LURAP1L: variants seen among roughly 807,000 people sequenced by gnomAD.
The protein encoded by LURAP1L is leucine rich adaptor protein 1-like.
A neutral mutation model predicts 13.8 loss-of-function variants in LURAP1L; 12 were observed. That is an observed-to-expected ratio of 0.87 (90% confidence interval 0.56 to 1.41). The LOEUF is 1.41. Ranked by LOEUF, LURAP1L falls within the 40% of genes most tolerant of loss-of-function variation. LURAP1L has a pLI of 0.00. For synonymous variants in LURAP1L, 139 were observed against 119.2 expected (o/e 1.17, Z -1.08); for missense variants, 375 against 292.9 (o/e 1.28, Z -2.04).
chr9:12,802,431 G>A (rs1819599844), intron 1 of LURAP1L, among the ~76,000 whole-genome samples: 1 of 152,050 alleles, frequency 6.6e-6, no homozygotes, highest in African/African-American at 2.4e-5. Context: ...AAAAGTATGT[G>A]ACACATCCCC....
At chr9:12,821,261 A>G in intron 1 of LURAP1L, 125 bp from the exon 2 acceptor site, 1 of 1,129,294 alleles carries the variant, frequency 8.9e-7, no homozygotes, top group Non-Finnish European at 1.3e-6. Context: ...CCTGACAACC[A>G]GTCCACTTAT....
At chr9:12,780,771 G>T (rs942517105) in intron 1 of LURAP1L, among the ~76,000 whole-genome samples, 9 of 151,032 alleles carry the variant, frequency 6.0e-5, no homozygotes, top group Non-Finnish European at 1.2e-4. Context: ...GTTTCTCATT[G>T]TAAAACTTCC....
chr9:12,803,015 T>G (rs891181525), intron 1 of LURAP1L, among the ~76,000 whole-genome samples: 1 of 152,220 alleles, frequency 6.6e-6, no homozygotes, highest in African/African-American at 2.4e-5. Flanking sequence ...GAATCCATAC[T>G]TACTCTCTGC....
intron 1 of LURAP1L, among the ~76,000 whole-genome samples, chr9:12,796,687 A>T (rs1484831903): frequency 6.6e-6 from 1 of 151,972 alleles, no homozygotes; most frequent in Non-Finnish European, 1.5e-5. Flanking sequence ...TGAATATTCT[A>T]ATAGTTTTTT....
chr9:12,786,582 A>ATATATATATAT (rs55704493), intron 1 of LURAP1L, among the ~76,000 whole-genome samples: 452 of 113,322 alleles, frequency 4.0e-3, no homozygotes, highest in South Asian at 5.0e-3. Context: ...ATATATATAT[A>ATATATATATAT]AACCCTTGTG....
intron 1 of LURAP1L, among the ~76,000 whole-genome samples, chr9:12,816,727 T>G (rs1819808862): frequency 1.3e-5 from 2 of 152,132 alleles, no homozygotes; most frequent in African/African-American, 4.8e-5. Flanking sequence ...AATCTCAACA[T>G]TCTCCCTAAA....
chr9:12,819,642 G>A (rs1819846890), intron 1 of LURAP1L, among the ~76,000 whole-genome samples: 1 of 152,082 alleles, frequency 6.6e-6, no homozygotes, highest in Non-Finnish European at 1.5e-5. Flanking sequence ...CCAACTGGAG[G>A]GACAGAAATC....
intron 1 of LURAP1L, among the ~76,000 whole-genome samples, chr9:12,804,715 G>A (rs1010156279): frequency 2.0e-5 from 3 of 152,052 alleles, no homozygotes; most frequent in African/African-American, 7.2e-5. Flanking sequence ...ACAAGCATAT[G>A]CTTAACGTTT....
At chr9:12,791,656 CCTT>C (rs1317153890) in intron 1 of LURAP1L, among the ~76,000 whole-genome samples, 3 of 149,228 alleles carry the variant, frequency 2.0e-5, no homozygotes, top group Admixed American at 6.8e-5. Flanking sequence ...CTCTCTCTCT[CCTT>C]CTCTCTCTCT....
At position 12,821,526 on chromosome 9, in the gene LURAP1L, T is replaced by C; in HGVS notation, c.453T>C (p.Ser151=). Reference sequence around the variant, plus strand: ...GCAGCCTCAGTGGCAGCCTGTGCAGTTTGTTGGAGAGTCAGAGCACCTCCT... The same window carrying C: ...GCAGCCTCAGTGGCAGCCTGTGCAGCTTGTTGGAGAGTCAGAGCACCTCCT... ...RGSSLSGSLC[S]LLESQSTSLR... The change falls in exon 2 of 2, where the codon AGT becomes AGC. Residue 151 remains serine, a synonymous_variant. Transcript: ENST00000319264. The C allele has an allele frequency of 6.2e-7, 1 of 1,614,050 alleles. No individual in the cohort carries two copies. The highest frequency in any genetic ancestry group is 8.5e-7 in the Non-Finnish European group (1 of 1,180,004).
Position 12,812,313 on chromosome 9 carries a change from A to C in LURAP1L, c.313-9073A>C, listed in dbSNP as rs149638848. On this transcript the variant is annotated intron_variant, in intron 1 of 1. Transcript: ENST00000319264. ...ACTTGTTAGAAGTACAGAATCATAA[A>C]ACTGGTGAGCAAAATTTAAATTTTA... Among the ~76,000 whole-genome samples, 202 of 152,282 alleles carry C rather than the reference A, an allele frequency of 1.3e-3. 1 individual carries two copies. The highest frequency in any genetic ancestry group is 2.1e-3 in the Non-Finnish European group (146 of 68,004).
intron 1 of LURAP1L, among the ~76,000 whole-genome samples, chr9:12,812,187 G>A (rs556572597): frequency 2.6e-5 from 4 of 152,278 alleles, no homozygotes; most frequent in South Asian, 4.1e-4. Context: ...AGGCCCATCC[G>A]ATACCAGGAT....
chr9:12,783,826 G>T (rs544900041), intron 1 of LURAP1L, among the ~76,000 whole-genome samples: 1 of 144,554 alleles, frequency 6.9e-6, no homozygotes, highest in Non-Finnish European at 1.5e-5. Context: ...GAGGTCCTGG[G>T]CTTTTTTTTT....
At chr9:12,797,158 T>A (rs1221146538) in intron 1 of LURAP1L, among the ~76,000 whole-genome samples, 5 of 152,038 alleles carry the variant, frequency 3.3e-5, no homozygotes, top group Admixed American at 3.3e-4. Flanking sequence ...CTGAAATGCA[T>A]TGCTACCAGG....
chr9:12,788,192 A>AAAGAAAG lies in LURAP1L; in HGVS notation c.312+12167_312+12168insGAAAGAA, dbSNP rs1554657446. On this transcript the variant is annotated intron_variant, in intron 1 of 1. Transcript: ENST00000319264. Reference sequence around the variant, plus strand: ...GAAAGAAAGAAAGAAAGAAAGAAAGAAAAGAAAAGAAAAGAAAAGCTCAAT... The same window carrying AAAGAAAG: ...GAAAGAAAGAAAGAAAGAAAGAAAGAAAGAAAGAAAGAAAAGAAAAGAAAAGCTCAAT... Among the ~76,000 whole-genome samples, 763 of 103,414 alleles carry AAAGAAAG rather than the reference A, an allele frequency of 7.4e-3. 3 individuals are homozygous for AAAGAAAG. Among genetic ancestry groups the AAAGAAAG allele is most frequent in the South Asian group, 0.028 (96 of 3,372 alleles). The allele number at this position is 103,414 out of a possible 152,430, so 67.8% of individuals were successfully genotyped here.
chr9:12,807,339 A>G lies in LURAP1L; in HGVS notation c.313-14047A>G, dbSNP rs536930713. ...CTGAAAAAGAGAATTGGCCAGGGTAATCTGATGTATTACGAGTAAACTTTG... is the reference window on the plus strand; with the variant it reads ...CTGAAAAAGAGAATTGGCCAGGGTAGTCTGATGTATTACGAGTAAACTTTG... On this transcript the variant is annotated intron_variant, in intron 1 of 1. Coordinates refer to ENST00000319264, the MANE Select transcript of LURAP1L (RefSeq NM_203403.2). 8.5e-5 allele frequency among the ~76,000 whole-genome samples: 13 copies of G among 152,228 alleles called. 1 individual carries two copies. The South Asian group carries it at 2.3e-3, about 27-fold the overall frequency.
At position 12,822,476 on chromosome 9, in the gene LURAP1L, G is replaced by C. The variant is rs1000509741; in HGVS notation, c.*716G>C. ...AATTTCAAGGAATAATTGAGATTAA[G>C]TATGGAGGCCATTCAAGGCAAAAAT... On this transcript the variant is annotated 3_prime_UTR_variant, in exon 2 of 2. Transcript: ENST00000319264. 6.6e-6 allele frequency among the ~76,000 whole-genome samples: 1 copy of C among 152,202 alleles called. No homozygotes were observed. The highest frequency in any genetic ancestry group is 1.9e-4 in the East Asian group (1 of 5,206).
At chr9:12,796,582 G>C (rs1819514146) in intron 1 of LURAP1L, among the ~76,000 whole-genome samples, 1 of 151,810 alleles carries the variant, frequency 6.6e-6, no homozygotes, top group South Asian at 2.1e-4. Flanking sequence ...CCACATTGCA[G>C]GTTATTTCTG....
At chr9:12,781,209 G>A (rs1293462142) in intron 1 of LURAP1L, among the ~76,000 whole-genome samples, 2 of 152,164 alleles carry the variant, frequency 1.3e-5, no homozygotes, top group Admixed American at 6.5e-5. Flanking sequence ...GACCTCAGGT[G>A]ATCTGCCTGC....
Sources: gnomAD v4.1 joint callset for allele counts (sites outside exome capture counted in the v4.1 genomes callset) on GRCh38, gnomAD v4.1.1 for gene constraint, MANE v1.5 for transcripts, NCBI Gene and HGNC (gene_info 2026-07-23, HGNC 2026-07-21) for gene names.